The following TENT2 variants were observed in gnomAD, a reference collection of about 807,000 sequenced individuals.
TENT2 encodes the protein terminal nucleotidyltransferase 2, also known as poly(A) RNA polymerase GLD2.
In TENT2, 44 loss-of-function variants were observed where a neutral mutation model predicts 72.2. That is an observed-to-expected ratio of 0.61 (90% confidence interval 0.48 to 0.78). The LOEUF (loss-of-function observed/expected upper bound fraction) is 0.78. TENT2 is among the 30% of genes least tolerant of loss of function. TENT2 has a pLI of 0.00. For synonymous variants in TENT2, 212 were observed against 192.5 expected, an observed-to-expected ratio of 1.10 and a Z score of -0.84; for missense variants, 541 against 569.6, an observed-to-expected ratio of 0.95 and a Z score of 0.51.
At chr5:79,626,913 C>CCT (rs1770603620) in intron 4 of TENT2, among the ~76,000 whole-genome samples, 1 of 151,924 alleles carries the variant, frequency 6.6e-6, no homozygotes, top group African/African-American at 2.4e-5. Context: ...AGGCGGATCA[C>CCT]AAGGTCAGGA....
chr5:79,646,751 A>G (rs963429580), intron 8 of TENT2, among the ~76,000 whole-genome samples: 3 of 149,014 alleles, frequency 2.0e-5, no homozygotes, highest in Admixed American at 2.0e-4. Context: ...CATCCTGCAA[A>G]CTTTTTTTGT....
chr5:79,685,882 G>A lies in TENT2; in HGVS notation c.*609G>A, dbSNP rs990907237. 6.6e-6 allele frequency: 1 copy of A among 152,612 alleles called. No individual in the cohort carries two copies. The highest frequency in any genetic ancestry group is 1.5e-5 in the Non-Finnish European group (1 of 68,072). 9.5% of individuals were successfully genotyped at this position (152,612 alleles called of 1,614,324 possible). On this transcript the variant is annotated 3_prime_UTR_variant, in exon 15 of 15. Coordinates refer to ENST00000453514, the MANE Select transcript of TENT2 (RefSeq NM_001114394.3). The stretch of plus-strand genomic sequence containing the variant: ...TTTCATTAGTACTTCACATGCTTTT[G>A]ATGTACTCTTGAGATTGCTTTAAAT...
chr5:79,653,373 G>A (rs1330283406), intron 10 of TENT2, among the ~76,000 whole-genome samples: 10 of 151,930 alleles, frequency 6.6e-5, no homozygotes, highest in Admixed American at 5.3e-4. Context: ...CATATCGTTA[G>A]TCCTAGCTAC....
chr5:79,654,840 G>A (rs1465541031), intron 10 of TENT2, among the ~76,000 whole-genome samples: 1 of 152,126 alleles, frequency 6.6e-6, no homozygotes. Flanking sequence ...TGTGATTGAA[G>A]ACCTGCTATT....
chr5:79,615,413 A>G (rs1227942765), intron 1 of TENT2, among the ~76,000 whole-genome samples: 1 of 152,234 alleles, frequency 6.6e-6, no homozygotes, highest in Non-Finnish European at 1.5e-5. Flanking sequence ...GAACCGATTT[A>G]AATAAACCTG....
Position 79,648,664 on chromosome 5 carries a change from A to T in TENT2, c.869A>T (p.Asn290Ile). ...GTAAACAATATTGTTGGAATAAGAA[A>T]CACATTCCTTCTCAGAACTTATGCA... ...LNVNNIVGIR[N>I]TFLLRTYAYL... Residue 290 changes from asparagine (N) to isoleucine (I), a missense_variant, in exon 9 of 15, where the codon AAC (asparagine) becomes ATC (isoleucine). Physicochemically the swap from Asn to Ile is moderately radical, Grantham distance 149. Transcript: ENST00000453514. 1 of 1,598,170 alleles carries T rather than the reference A, an allele frequency of 6.3e-7. No homozygotes were observed. Among genetic ancestry groups the T allele is most frequent in the Non-Finnish European group, 8.5e-7 (1 of 1,172,176 alleles).
chr5:79,635,403 C>T (rs906861065), intron 4 of TENT2, among the ~76,000 whole-genome samples: 5 of 151,712 alleles, frequency 3.3e-5, no homozygotes, highest in African/African-American at 1.2e-4. Context: ...AAAAGTGTTT[C>T]CATGCATGTA....
chr5:79,645,608 G>A (rs569695206), intron 8 of TENT2, among the ~76,000 whole-genome samples: 13 of 152,128 alleles, frequency 8.5e-5, no homozygotes, highest in African/African-American at 2.9e-4. Flanking sequence ...AATACCTAGA[G>A]TAATAGATAT....
intron 7 of TENT2, 189 bp from the exon 8 acceptor site, chr5:79,644,934 C>T: frequency 4.1e-6 from 2 of 483,474 alleles, no homozygotes; most frequent in Non-Finnish European, 7.4e-6. Flanking sequence ...AATATAAAGC[C>T]CCCTAAATGG....
At chr5:79,657,237 G>T (rs1010015903) in intron 11 of TENT2, among the ~76,000 whole-genome samples, 1 of 152,004 alleles carries the variant, frequency 6.6e-6, no homozygotes, top group African/African-American at 2.4e-5. Flanking sequence ...AATTTGTTTT[G>T]CATGATGCTC....
chr5:79,646,303 A>G (rs1309106929), intron 8 of TENT2, among the ~76,000 whole-genome samples: 1 of 152,184 alleles, frequency 6.6e-6, no homozygotes, highest in African/African-American at 2.4e-5. Flanking sequence ...TCAACCGTAT[A>G]TATTAAATAC....
At chr5:79,620,313 AG>A (rs1763729748) in intron 3 of TENT2, among the ~76,000 whole-genome samples, 1 of 152,158 alleles carries the variant, frequency 6.6e-6, no homozygotes, top group African/African-American at 2.4e-5. Context: ...GCCCTACATC[AG>A]ATCTCCCCTT....
intron 12 of TENT2, 46 bp from the exon 13 acceptor site, chr5:79,679,533 G>A: frequency 2.9e-6 from 4 of 1,381,526 alleles, no homozygotes; most frequent in South Asian, 1.4e-5. Flanking sequence ...TAATATAAGA[G>A]AAATTATGAA....
At chr5:79,643,125 C>T in intron 7 of TENT2, 1 of 302,394 alleles carries the variant, frequency 3.3e-6, no homozygotes, top group Non-Finnish European at 4.9e-6. Flanking sequence ...AATATACCAC[C>T]TGCTGCAGTG....
chr5:79,669,780 G>T (rs184064303), intron 12 of TENT2, among the ~76,000 whole-genome samples: 1 of 151,464 alleles, frequency 6.6e-6, no homozygotes, highest in East Asian at 1.9e-4. Context: ...ATGGGAAAAT[G>T]GTTCTAAACA....
chr5:79,682,155 T>A, intron 14 of TENT2, 94 bp downstream of exon 14: 1 of 776,424 alleles, frequency 1.3e-6, no homozygotes, highest in South Asian at 2.1e-5. Flanking sequence ...GAATGGTTTC[T>A]CTTCTGTGAA....
intron 11 of TENT2, among the ~76,000 whole-genome samples, chr5:79,658,215 T>C (rs1411790331): frequency 6.6e-6 from 1 of 152,200 alleles, no homozygotes; most frequent in African/African-American, 2.4e-5. Flanking sequence ...TCTGCTATTA[T>C]GAAGAATTAT....
chr5:79,678,653 T>C (rs369069695), intron 12 of TENT2, among the ~76,000 whole-genome samples: 101 of 152,354 alleles, frequency 6.6e-4, no homozygotes, highest in Non-Finnish European at 1.2e-3. Flanking sequence ...CTGCATCTGA[T>C]ATACAGCCAT....
At chr5:79,624,435 T>C (rs1289955920) in intron 4 of TENT2, among the ~76,000 whole-genome samples, 2 of 152,202 alleles carry the variant, frequency 1.3e-5, no homozygotes, top group Admixed American at 6.5e-5. Flanking sequence ...AATTTAGTTA[T>C]AATTGTACCA....
Sources: allele counts gnomAD v4.1 joint callset (sites outside exome capture counted in the v4.1 genomes callset), GRCh38; gene constraint gnomAD v4.1.1; transcripts MANE v1.5; gene names NCBI Gene and HGNC (gene_info 2026-07-23, HGNC 2026-07-21).